The following VWA3B variants were observed in gnomAD, a reference collection of about 807,000 sequenced individuals.
The protein encoded by VWA3B is von Willebrand factor A domain-containing protein 3B.
VWA3B carries 138 observed loss-of-function variants against 158.3 expected under a neutral mutation model. The observed-to-expected ratio is 0.87, with a 90% confidence interval of 0.76 to 1.00. VWA3B has a LOEUF of 1.00. VWA3B is among the 50% of genes least tolerant of loss of function. The pLI is 0.00. For synonymous variants in VWA3B, 596 were observed against 587.3 expected (o/e 1.01, Z -0.21); for missense variants, 1,555 against 1,565.1 (o/e 0.99, Z 0.11).
downstream of VWA3B, among the ~76,000 whole-genome samples, chr2:98,313,868 A>T (rs1277461445): frequency 6.6e-6 from 1 of 152,194 alleles, no homozygotes; most frequent in African/African-American, 2.4e-5. Context: ...CCATCATTTG[A>T]TGTGTTCAAT....
rs568990622 is a variant in VWA3B at position 98,265,222 on chromosome 2, T to A, written c.2844-5460T>A. Among the ~76,000 whole-genome samples the A allele has an allele frequency of 3.7e-3, 477 of 127,348 alleles. 5 individuals carry two copies. Among genetic ancestry groups the A allele is most frequent in the Middle Eastern group, 8.4e-3 (2 of 238 alleles). The allele number at this position is 127,348 out of a possible 152,430, so 83.5% of individuals were successfully genotyped here. A position where few individuals can be genotyped will look rare whatever the true frequency, so the allele number is the denominator to read the frequency against. On this transcript the variant is annotated intron_variant, in intron 21 of 27. Coordinates refer to ENST00000477737, the MANE Select transcript of VWA3B (RefSeq NM_144992.5). Reference sequence around the variant, plus strand: ...CCCCACCCCACAACAGTCCCCAGAGTGCGATGTTCCCCTTCCTGTGTCCAT... The same window carrying A: ...CCCCACCCCACAACAGTCCCCAGAGAGCGATGTTCCCCTTCCTGTGTCCAT...
chr2:98,208,976 A>AT (rs1683262880), intron 12 of VWA3B, among the ~76,000 whole-genome samples: 1 of 152,172 alleles, frequency 6.6e-6, no homozygotes, highest in Non-Finnish European at 1.5e-5. Flanking sequence ...ACCCTGGAGG[A>AT]TATTTTCCCC....
intron 22 of VWA3B, among the ~76,000 whole-genome samples, chr2:98,281,168 C>A (rs967080457): frequency 6.6e-6 from 1 of 152,188 alleles, no homozygotes; most frequent in Non-Finnish European, 1.5e-5. Flanking sequence ...TGGATACTTT[C>A]TGGGTGGATG....
chr2:98,205,690 T>C (rs2105502873), intron 12 of VWA3B, among the ~76,000 whole-genome samples: 1 of 152,318 alleles, frequency 6.6e-6, no homozygotes, highest in South Asian at 2.1e-4. Flanking sequence ...CAGAATTATG[T>C]TGGTACATCC....
intron 5 of VWA3B, among the ~76,000 whole-genome samples, chr2:98,126,094 G>T (rs1232816537): frequency 1.3e-5 from 2 of 152,196 alleles, no homozygotes; most frequent in African/African-American, 4.8e-5. Flanking sequence ...GTAACACAGG[G>T]AGTTGACTGA....
rs1488016655 is a variant in VWA3B, at chr2:98,312,311, A to G, written c.3847A>G (p.Ser1283Gly). 1 of 1,613,960 alleles carries G rather than the reference A, an allele frequency of 6.2e-7. No homozygotes were observed. Among genetic ancestry groups the G allele is most frequent in the South Asian group, 1.1e-5 (1 of 91,058 alleles). ...GCCCTGTACTCTCCAAGCCACCCACAGCAGCAAAGGGCTGAGGAGCGTCCC... is the reference window on the plus strand; with the variant it reads ...GCCCTGTACTCTCCAAGCCACCCACGGCAGCAAAGGGCTGAGGAGCGTCCC... Reference protein sequence around the residue: ...ALPCTLQATHSSKGLRSVPET... With the variant: ...ALPCTLQATHGSKGLRSVPET... Residue 1283 changes from serine to glycine, a missense_variant, in exon 28 of 28, where the codon AGC (serine) becomes GGC (glycine). Ser to Gly is a moderately conservative substitution (Grantham distance 56, BLOSUM62 0). Coordinates refer to ENST00000477737, the MANE Select transcript of VWA3B (RefSeq NM_144992.5).
At chr2:98,324,174 T>C in the VWA3B span, among the ~76,000 whole-genome samples, 1 of 152,166 alleles carries the variant, frequency 6.6e-6, no homozygotes, top group Non-Finnish European at 1.5e-5. Context: ...GACACTTTTT[T>C]TTTTTTTAGA....
At chr2:98,305,839 G>A (rs1690490022) in intron 26 of VWA3B, among the ~76,000 whole-genome samples, 1 of 152,058 alleles carries the variant, frequency 6.6e-6, no homozygotes, top group Non-Finnish European at 1.5e-5. Flanking sequence ...GGGCTGAGCA[G>A]AATCAACTTC....
intron 22 of VWA3B, among the ~76,000 whole-genome samples, chr2:98,288,870 CT>C (rs1037466117): frequency 2.6e-5 from 4 of 152,168 alleles, no homozygotes; most frequent in African/African-American, 9.7e-5. Context: ...AATACCTATG[CT>C]TTTTCTTTCC....
At chr2:98,256,360 A>T (rs937446180) in intron 21 of VWA3B, among the ~76,000 whole-genome samples, 186 bp downstream of exon 21, 10 of 152,064 alleles carry the variant, frequency 6.6e-5, no homozygotes, top group Non-Finnish European at 2.9e-5. Flanking sequence ...CCATAAATTA[A>T]TCACTCCCCA....
chr2:98,171,201 A>G (rs536393757), intron 8 of VWA3B, among the ~76,000 whole-genome samples: 4 of 152,314 alleles, frequency 2.6e-5, no homozygotes, highest in African/African-American at 9.6e-5. Flanking sequence ...ATGGTAAATA[A>G]GAGACATGGA....
chr2:98,169,796 T>TGAAGATGGC (rs1679426902), intron 8 of VWA3B, among the ~76,000 whole-genome samples: 1 of 150,278 alleles, frequency 6.7e-6, no homozygotes, highest in Admixed American at 6.7e-5. Context: ...CCCTCAAACA[T>TGAAGATGGC]GAAGATGGCT....
rs1573819794 is a variant in VWA3B, at chr2:98,121,174, T to C, written c.543-125T>C. The C allele has an allele frequency of 3.3e-6, 4 of 1,222,142 alleles. No homozygotes were observed. The East Asian group carries it at 1.0e-4, about 31-fold the overall frequency. 75.7% of individuals were successfully genotyped at this position (1,222,142 alleles called of 1,614,324 possible). ...AACATCAGAGGGCTGGGAGCTATGA[T>C]TTCTTTCTTTTTCAGCTCTAGAGAT... On this transcript the variant is annotated intron_variant, in intron 4 of 27. Transcript: ENST00000477737.
intron 10 of VWA3B, among the ~76,000 whole-genome samples, chr2:98,188,521 A>G (rs1437187252): frequency 6.6e-6 from 1 of 152,196 alleles, no homozygotes; most frequent in East Asian, 1.9e-4. Flanking sequence ...CTCAGTCTCT[A>G]ATACAGTTCT....
intron 8 of VWA3B, among the ~76,000 whole-genome samples, chr2:98,173,296 G>A (rs980362529): frequency 6.6e-6 from 1 of 152,196 alleles, no homozygotes; most frequent in Non-Finnish European, 1.5e-5. Context: ...TTTCTTCCCA[G>A]AACTCACATT....
intron 23 of VWA3B, among the ~76,000 whole-genome samples, chr2:98,294,034 T>C (rs1163796940): frequency 1.3e-5 from 2 of 151,764 alleles, no homozygotes; most frequent in South Asian, 4.2e-4. Context: ...TTGGGTTAGA[T>C]TACATTCAGG....
At chr2:98,309,432 A>T (rs1690745266) in intron 26 of VWA3B, among the ~76,000 whole-genome samples, 1 of 151,734 alleles carries the variant, frequency 6.6e-6, no homozygotes, top group African/African-American at 2.4e-5. Context: ...AGGAGGAGAG[A>T]CCCTCCCAGG....
At chr2:98,258,123 C>G (rs1388853516) in intron 21 of VWA3B, among the ~76,000 whole-genome samples, 1 of 151,826 alleles carries the variant, frequency 6.6e-6, no homozygotes, top group African/African-American at 2.4e-5. Context: ...TATTCTTTCC[C>G]TTTGAATGGT....
rs140055550 is a variant in VWA3B at position 98,298,727 on chromosome 2, G to A, written c.3282+696G>A. Among the ~76,000 whole-genome samples, 76 of 152,354 alleles carry A rather than the reference G, an allele frequency of 5.0e-4. No individual in the cohort carries two copies. In the East Asian group the frequency reaches 0.01, roughly 20 times the overall value. On this transcript the variant is annotated intron_variant, in intron 24 of 27. Coordinates refer to ENST00000477737, the MANE Select transcript of VWA3B (RefSeq NM_144992.5). ...GAATGGAACACAGGAATGAAGCTGC[G>A]AATGCAGGGGTTTATTAAAGTGAGA...
Sources: allele counts gnomAD v4.1 joint callset (sites outside exome capture counted in the v4.1 genomes callset), GRCh38; gene constraint gnomAD v4.1.1; transcripts MANE v1.5; gene names NCBI Gene and HGNC (gene_info 2026-07-23, HGNC 2026-07-21).